TENM2: variants seen among roughly 807,000 people sequenced by gnomAD.
TENM2 encodes the protein teneurin-2.
Under a neutral mutation model 245.2 loss-of-function variants are expected in TENM2, and 52 were observed. That is an observed-to-expected ratio of 0.21 (90% CI 0.17 to 0.27). The LOEUF (loss-of-function observed/expected upper bound fraction) is 0.27. Among genes scored for constraint, TENM2 ranks in the 10% least tolerant of loss-of-function variants. The probability of loss-of-function intolerance (pLI) is 1.00; values close to 1 mark genes in which losing one functional copy is unlikely to be tolerated. For missense variants in TENM2, 3,046 were observed against 3,666.8 expected, an observed-to-expected ratio of 0.83 and a Z score of 4.37; for synonymous variants, 1,363 against 1,438.9, an observed-to-expected ratio of 0.95 and a Z score of 1.19.
intron 4 of TENM2, among the ~76,000 whole-genome samples, chr5:167,963,217 T>C (rs561072455): frequency 1.3e-5 from 2 of 152,314 alleles, no homozygotes; most frequent in East Asian, 3.9e-4. Flanking sequence ...ATCTATTACA[T>C]AAGTAAAGTC....
chr5:167,106,376 TA>T, the TENM2 span, among the ~76,000 whole-genome samples: 1 of 151,952 alleles, frequency 6.6e-6, no homozygotes, highest in Non-Finnish European at 1.5e-5. Flanking sequence ...ATCCTAAGAA[TA>T]AAGAGGAAAT....
At chr5:167,724,045 G>T (rs1409445058) in intron 2 of TENM2, among the ~76,000 whole-genome samples, 2 of 152,116 alleles carry the variant, frequency 1.3e-5, no homozygotes, top group Non-Finnish European at 2.9e-5. Flanking sequence ...AAGTTTCCTG[G>T]GTACTCTGTA....
intron 1 of TENM2, among the ~76,000 whole-genome samples, chr5:167,371,438 C>T (rs1239188654): frequency 1.3e-5 from 2 of 151,192 alleles, no homozygotes; most frequent in Non-Finnish European, 2.9e-5. Context: ...CTCAGCTCAC[C>T]ACAACCTCCG....
At chr5:167,809,898 T>G (rs1766505166) in intron 2 of TENM2, among the ~76,000 whole-genome samples, 1 of 152,130 alleles carries the variant, frequency 6.6e-6, no homozygotes. Context: ...AAATGAGAAT[T>G]CTACTAACAG....
intron 2 of TENM2, among the ~76,000 whole-genome samples, chr5:167,722,363 A>G (rs1232669241): frequency 1.3e-5 from 2 of 152,236 alleles, no homozygotes; most frequent in African/African-American, 4.8e-5. Context: ...CTCATTTTCC[A>G]AGAGATAAGT....
At chr5:166,997,129 G>A in the TENM2 span, among the ~76,000 whole-genome samples, 1 of 152,120 alleles carries the variant, frequency 6.6e-6, no homozygotes. Flanking sequence ...ACCCAGGGCT[G>A]GGATTAGAAA....
At chr5:167,480,955 C>A (rs1162200323) in intron 2 of TENM2, among the ~76,000 whole-genome samples, 2 of 152,110 alleles carry the variant, frequency 1.3e-5, no homozygotes, top group Admixed American at 1.3e-4. Flanking sequence ...CAGGAATTCC[C>A]ATAAAAAATT....
chr5:167,181,223 G>A, the TENM2 span, among the ~76,000 whole-genome samples: 1 of 152,228 alleles, frequency 6.6e-6, no homozygotes, highest in African/African-American at 2.4e-5. Context: ...ATGCTGACCT[G>A]GTTGGCCTGA....
At chr5:167,960,304 T>C (rs1292681533) in intron 4 of TENM2, among the ~76,000 whole-genome samples, 1 of 152,216 alleles carries the variant, frequency 6.6e-6, no homozygotes, top group Non-Finnish European at 1.5e-5. Context: ...CAGCCGCCCC[T>C]TCCCCCAGGT....
At chr5:167,034,649 A>G in the TENM2 span, among the ~76,000 whole-genome samples, 1,222 of 150,658 alleles carry the variant, frequency 8.1e-3, 22 homozygotes, top group African/African-American at 0.028. Context: ...AAAAAAAAAA[A>G]AAAAGAAAAT....
chr5:167,134,299 G>C, the TENM2 span, among the ~76,000 whole-genome samples: 2 of 152,164 alleles, frequency 1.3e-5, no homozygotes, highest in South Asian at 4.1e-4. Context: ...CCGCATATTG[G>C]ACAGCTTTTT....
At chr5:168,133,280 G>T (rs899917184) in intron 12 of TENM2, among the ~76,000 whole-genome samples, 30 of 152,262 alleles carry the variant, frequency 2.0e-4, no homozygotes, top group African/African-American at 7.0e-4. Context: ...TGCTTAGGGA[G>T]GGGGCAAAAG....
chr5:167,868,106 C>T (rs1268642615), intron 2 of TENM2, among the ~76,000 whole-genome samples: 2 of 152,190 alleles, frequency 1.3e-5, no homozygotes, highest in African/African-American at 4.8e-5. Flanking sequence ...CAGGATTTCT[C>T]AACCTCAATA....
chr5:167,687,866 A>T (rs56116300), intron 2 of TENM2, among the ~76,000 whole-genome samples: 29,164 of 152,176 alleles, frequency 0.19, 3,111 homozygotes, highest in East Asian at 0.36. Flanking sequence ...ACTTGAAAAT[A>T]GACTGCAGTC....
chr5:167,345,541 C>A (rs1758403021), intron 1 of TENM2, among the ~76,000 whole-genome samples: 1 of 152,100 alleles, frequency 6.6e-6, no homozygotes, highest in Non-Finnish European at 1.5e-5. Flanking sequence ...AGATTTGAAA[C>A]TGCTTTATGA....
chr5:167,746,463 TG>T (rs113134301), intron 2 of TENM2, among the ~76,000 whole-genome samples: 19,354 of 152,074 alleles, frequency 0.13, 1,544 homozygotes, highest in African/African-American at 0.22. Flanking sequence ...AAACAAAAGG[TG>T]AATGACAAAC....
chr5:168,162,003 A>G (rs1757788851), intron 12 of TENM2, among the ~76,000 whole-genome samples: 1 of 152,168 alleles, frequency 6.6e-6, no homozygotes, highest in Non-Finnish European at 1.5e-5. Context: ...AAATTGTGCC[A>G]TAAATACGTT....
At chr5:167,605,272 G>T (rs903861970) in intron 2 of TENM2, among the ~76,000 whole-genome samples, 1 of 152,126 alleles carries the variant, frequency 6.6e-6, no homozygotes, top group Admixed American at 6.5e-5. Context: ...AAGAGCAGTA[G>T]TCATTTAAAA....
At chr5:167,666,953 C>T (rs1165250184) in intron 2 of TENM2, among the ~76,000 whole-genome samples, 1 of 152,134 alleles carries the variant, frequency 6.6e-6, no homozygotes, top group African/African-American at 2.4e-5. Context: ...TGGGATATGG[C>T]ACTTCTCAGC....
Sources: allele counts gnomAD v4.1 joint callset (sites outside exome capture counted in the v4.1 genomes callset), GRCh38; gene constraint gnomAD v4.1.1; transcripts MANE v1.5; gene names NCBI Gene and HGNC (gene_info 2026-07-23, HGNC 2026-07-21).